Variants in PRKG1 observed in about 807,000 individuals in gnomAD.
PRKG1 encodes cGMP-dependent protein kinase 1.
PRKG1 carries 35 observed loss-of-function variants against 88.1 expected under a neutral mutation model. That is an observed-to-expected ratio of 0.40 (90% CI 0.30 to 0.53). The LOEUF (loss-of-function observed/expected upper bound fraction) is 0.53. PRKG1 is among the 20% of genes least tolerant of loss of function. The probability of loss-of-function intolerance (pLI) is 0.59; values close to 1 mark genes in which losing one functional copy is unlikely to be tolerated. For missense variants in PRKG1, 540 were observed against 839.8 expected (o/e 0.64, Z 4.41); for synonymous variants, 303 against 292.5 (o/e 1.04, Z -0.37).
intron 1 of PRKG1, among the ~76,000 whole-genome samples, chr10:51,049,083 G>A (rs973514983): frequency 2.6e-5 from 4 of 151,632 alleles, no homozygotes; most frequent in African/African-American, 4.9e-5. Context: ...TGACAGGGCC[G>A]GGAAAGGAAG....
At chr10:52,269,145 AAC>A (rs1245072360) in intron 10 of PRKG1, among the ~76,000 whole-genome samples, 2 of 152,106 alleles carry the variant, frequency 1.3e-5, no homozygotes, top group Non-Finnish European at 1.5e-5. Flanking sequence ...ACAACTGCAC[AAC>A]AGTCCTCACT....
At chr10:51,526,422 A>C (rs1316781995) in intron 3 of PRKG1, among the ~76,000 whole-genome samples, 2 of 152,214 alleles carry the variant, frequency 1.3e-5, no homozygotes, top group Non-Finnish European at 2.9e-5. Context: ...CTTTTGCACC[A>C]ACCTAATATA....
At chr10:51,294,986 G>C (rs944206729) in intron 2 of PRKG1, among the ~76,000 whole-genome samples, 1 of 152,122 alleles carries the variant, frequency 6.6e-6, no homozygotes, top group East Asian at 1.9e-4. Flanking sequence ...GGGAGACTGA[G>C]GGGGGAGGAT....
intron 4 of PRKG1, among the ~76,000 whole-genome samples, chr10:51,828,834 A>C (rs898782861): frequency 6.6e-6 from 1 of 152,228 alleles, no homozygotes; most frequent in African/African-American, 2.4e-5. Flanking sequence ...ATGTTCAAGA[A>C]ACTGTTCAAG....
At chr10:51,877,040 C>A (rs12765057) in intron 4 of PRKG1, among the ~76,000 whole-genome samples, 5 of 152,080 alleles carry the variant, frequency 3.3e-5, no homozygotes, top group African/African-American at 1.2e-4. Context: ...TCTGGGAGAA[C>A]CCCACATAAA....
At chr10:51,060,772 C>A (rs1447222969) in intron 1 of PRKG1, among the ~76,000 whole-genome samples, 1 of 152,102 alleles carries the variant, frequency 6.6e-6, no homozygotes, top group Non-Finnish European at 1.5e-5. Context: ...ATTTTATTAT[C>A]TCCTTTAGTG....
At chr10:51,377,746 G>C (rs749738285) in intron 2 of PRKG1, among the ~76,000 whole-genome samples, 1 of 152,236 alleles carries the variant, frequency 6.6e-6, no homozygotes, top group Non-Finnish European at 1.5e-5. Context: ...AGCTGGAGCA[G>C]AGCAGCAACT....
intron 2 of PRKG1, among the ~76,000 whole-genome samples, chr10:51,364,302 A>C (rs994416369): frequency 1.3e-5 from 2 of 151,972 alleles, no homozygotes; most frequent in African/African-American, 4.8e-5. Context: ...GCAGTCAGGC[A>C]AATGGGAGGA....
chr10:51,586,167 A>G (rs1169681061), intron 3 of PRKG1, among the ~76,000 whole-genome samples: 4 of 152,188 alleles, frequency 2.6e-5, no homozygotes, highest in African/African-American at 7.2e-5. Context: ...AAAGAAAAAG[A>G]CAGGTGATGT....
intron 4 of PRKG1, among the ~76,000 whole-genome samples, chr10:51,886,231 T>A (rs1036690928): frequency 4.6e-5 from 7 of 152,166 alleles, no homozygotes; most frequent in African/African-American, 1.7e-4. Flanking sequence ...AGCCACAATT[T>A]CTTACAAAAG....
intron 3 of PRKG1, among the ~76,000 whole-genome samples, chr10:51,650,789 C>T (rs927082174): frequency 6.6e-6 from 1 of 152,174 alleles, no homozygotes; most frequent in African/African-American, 2.4e-5. Context: ...TTCATTAGCA[C>T]TTCCCTGAGA....
chr10:52,142,804 C>T (rs908229969), intron 8 of PRKG1, among the ~76,000 whole-genome samples: 11 of 152,094 alleles, frequency 7.2e-5, no homozygotes, highest in East Asian at 5.8e-4. Flanking sequence ...TTCATTGTAC[C>T]GTCCTTTTAC....
chr10:52,030,428 G>T (rs895089840), intron 5 of PRKG1, among the ~76,000 whole-genome samples: 6 of 152,130 alleles, frequency 3.9e-5, no homozygotes, highest in Non-Finnish European at 2.9e-5. Context: ...CCACTTATGC[G>T]TCTCCTCTGG....
intron 2 of PRKG1, among the ~76,000 whole-genome samples, chr10:51,164,747 G>T (rs547332816): frequency 8.1e-4 from 124 of 152,240 alleles, no homozygotes; most frequent in African/African-American, 2.8e-3. Context: ...ACTATGTGAA[G>T]AATGCAGAAG....
chr10:51,246,150 A>C (rs1589275779), intron 2 of PRKG1, among the ~76,000 whole-genome samples: 1 of 152,232 alleles, frequency 6.6e-6, no homozygotes, highest in East Asian at 1.9e-4. Flanking sequence ...GCTGCTCCGC[A>C]AGATGGACTG....
chr10:51,988,029 C>T (rs141579743), intron 5 of PRKG1, among the ~76,000 whole-genome samples: 1 of 152,054 alleles, frequency 6.6e-6, no homozygotes, highest in Non-Finnish European at 1.5e-5. Flanking sequence ...TAGTTCAGTC[C>T]TGCTTCAAAT....
chr10:51,216,883 A>T (rs1017282558), intron 2 of PRKG1, among the ~76,000 whole-genome samples: 17 of 152,182 alleles, frequency 1.1e-4, no homozygotes, highest in Admixed American at 6.5e-4. Flanking sequence ...TATAATATAA[A>T]TTCCACCTTG....
At chr10:52,058,085 A>G (rs1469661829) in intron 6 of PRKG1, among the ~76,000 whole-genome samples, 1 of 152,004 alleles carries the variant, frequency 6.6e-6, no homozygotes, top group Admixed American at 6.6e-5. Flanking sequence ...AAAATTTAAT[A>G]AGAGTTTAGC....
chr10:51,532,999 A>G (rs770498124), intron 3 of PRKG1, among the ~76,000 whole-genome samples: 1 of 152,172 alleles, frequency 6.6e-6, no homozygotes, highest in Non-Finnish European at 1.5e-5. Context: ...GAAAGAAAAG[A>G]CTGAGGAAAG....
Sources: gnomAD v4.1 joint callset for allele counts (sites outside exome capture counted in the v4.1 genomes callset) on GRCh38, gnomAD v4.1.1 for gene constraint, MANE v1.5 for transcripts, NCBI Gene and HGNC (gene_info 2026-07-23, HGNC 2026-07-21) for gene names.